Variants in LRIG2 observed in about 807,000 individuals in gnomAD.
LRIG2 encodes the protein leucine rich repeats and immunoglobulin like domains 2.
In LRIG2, 93 loss-of-function variants were observed where a neutral mutation model predicts 107.8. The observed-to-expected ratio is 0.86, with a 90% CI of 0.73 to 1.03. LRIG2 has a LOEUF of 1.03. Among genes scored for constraint, LRIG2 ranks in the 50% least tolerant of loss-of-function variants. LRIG2 has a pLI of 0.00. For missense variants in LRIG2, 1,226 were observed against 1,296.0 expected (o/e 0.95, Z 0.83); for synonymous variants, 471 against 470.6 (o/e 1.00, Z -0.01).
chr1:113,094,473 T>TC lies in LRIG2; in HGVS notation c.652dup (p.Gln218ProfsTer6). 1 of 1,608,272 alleles carries TC rather than the reference T, an allele frequency of 6.2e-7. No homozygotes were observed. Among genetic ancestry groups the TC allele is most frequent in the Non-Finnish European group, 8.5e-7 (1 of 1,178,784 alleles). On this transcript the variant is annotated frameshift_variant, in exon 5 of 18. Coordinates refer to ENST00000361127, the MANE Select transcript of LRIG2 (RefSeq NM_014813.3). LOFTEE classifies it high-confidence loss of function. ...CCTAAGATCTTCAAGCTGCCTCACC[T>TC]CCAATTCTTGTGAGTAACGAAATAG...
Position 113,095,512 on chromosome 1 carries a change from G to T in LRIG2, c.804-362G>T, listed in dbSNP as rs183485795. ...CAACCTCTGCCTCATGGGTTCAAGC[G>T]ATTCTCCTGCCTCAGCCTCCCGAGT... is the stretch of plus-strand genomic sequence containing the variant. On this transcript the variant is annotated intron_variant, in intron 6 of 17. Coordinates refer to ENST00000361127, the MANE Select transcript of LRIG2 (RefSeq NM_014813.3). Among the ~76,000 whole-genome samples, 37 of 151,936 alleles carry T rather than the reference G, an allele frequency of 2.4e-4. No individual in the cohort carries two copies. The East Asian group carries it at 6.2e-3, about 26-fold the overall frequency.
chr1:113,080,367 T>C (rs1388141283), intron 1 of LRIG2, among the ~76,000 whole-genome samples: 1 of 150,750 alleles, frequency 6.6e-6, no homozygotes, highest in Admixed American at 6.6e-5. Flanking sequence ...TCTAATTTGC[T>C]TCTGGTCTTT....
At position 113,082,701 on chromosome 1, in the gene LRIG2, T is replaced by C. The variant is rs1200021131; in HGVS notation, c.240-8617T>C. Among the ~76,000 whole-genome samples, 2 of 152,338 alleles carry C rather than the reference T, an allele frequency of 1.3e-5. 1 individual carries two copies. ...CGAAGTCTCTCTCTGTTGCCCAGGC[T>C]GGAGTGCAGTGGTGAGATCTCAGCT... On this transcript the variant is annotated intron_variant, in intron 1 of 17. Transcript: ENST00000361127.
At position 113,110,258 on chromosome 1, in the gene LRIG2, A is replaced by G; in HGVS notation, c.1494A>G (p.Pro498=). The change falls in exon 13 of 18, where the codon CCA becomes CCG. Residue 498 remains proline, a synonymous_variant. Coordinates refer to ENST00000361127, the MANE Select transcript of LRIG2 (RefSeq NM_014813.3). Reference sequence around the variant, plus strand: ...TCCCCTTAGATGATTTTCTCAAGCCACAGATAAGGACACATCCTGAAACCA... The same window carrying G: ...TCCCCTTAGATGATTTTCTCAAGCCGCAGATAAGGACACATCCTGAAACCA... ...KDFVCDDFLK[P]QIRTHPETII... 1 of 1,584,502 alleles carries G rather than the reference A, an allele frequency of 6.3e-7. No individual in the cohort carries two copies. Among genetic ancestry groups the G allele is most frequent in the Non-Finnish European group, 8.6e-7 (1 of 1,161,870 alleles).
chr1:113,098,611 A>G, intron 8 of LRIG2, 94 bp from the exon 9 acceptor site: 1 of 764,408 alleles, frequency 1.3e-6, no homozygotes, highest in Non-Finnish European at 2.3e-6. Flanking sequence ...CAGAATTAGC[A>G]TGTGTACCTT....
Position 113,073,345 on chromosome 1 carries a change from T to C in LRIG2, c.-62T>C. 1 of 1,383,728 alleles carries C rather than the reference T, an allele frequency of 7.2e-7. No individual in the cohort carries two copies. The highest frequency in any genetic ancestry group is 1.0e-6 in the Non-Finnish European group (1 of 982,206). The allele number at this position is 1,383,728 out of a possible 1,614,324, so 85.7% of individuals were successfully genotyped here. On this transcript the variant is annotated 5_prime_UTR_variant, in exon 1 of 18. Transcript: ENST00000361127. The stretch of plus-strand genomic sequence containing the variant: ...CCACCGAGCATCTCTGCTGAGCTTC[T>C]CCGCCGATCCTCCTTTTCTAGCAGG...
intron 14 of LRIG2, among the ~76,000 whole-genome samples, chr1:113,113,936 C>A (rs528806725): frequency 2.2e-4 from 34 of 152,246 alleles, no homozygotes; most frequent in African/African-American, 6.5e-4. Context: ...TCCCCTCTCA[C>A]TTTTATGTAG....
intron 1 of LRIG2, among the ~76,000 whole-genome samples, chr1:113,075,319 G>T (rs1341578291): frequency 6.6e-6 from 1 of 152,194 alleles, no homozygotes; most frequent in Non-Finnish European, 1.5e-5. Flanking sequence ...AGGTGTTGCG[G>T]AGTTTAAGAA....
intron 15 of LRIG2, among the ~76,000 whole-genome samples, chr1:113,115,631 G>A (rs912425415): frequency 2.0e-5 from 3 of 151,664 alleles, no homozygotes; most frequent in African/African-American, 2.4e-5. Flanking sequence ...GGGTTCAAGC[G>A]ATTCTCCTGA....
At chr1:113,080,090 G>A (rs1190143859) in intron 1 of LRIG2, among the ~76,000 whole-genome samples, 1 of 136,124 alleles carries the variant, frequency 7.3e-6, no homozygotes, top group East Asian at 2.2e-4. Flanking sequence ...GCACAATCTC[G>A]GCTCACTGCA....
At chr1:113,088,906 T>C (rs564116830) in intron 1 of LRIG2, among the ~76,000 whole-genome samples, 2 of 152,358 alleles carry the variant, frequency 1.3e-5, no homozygotes, top group South Asian at 4.1e-4. Flanking sequence ...TGAATTCATA[T>C]TTTTATCTTT....
chr1:113,085,191 G>A (rs1653492779), intron 1 of LRIG2, among the ~76,000 whole-genome samples: 1 of 152,210 alleles, frequency 6.6e-6, no homozygotes, highest in Non-Finnish European at 1.5e-5. Flanking sequence ...AGAATAACTA[G>A]TGGGTGATTA....
chr1:113,108,539 T>G (rs12744009), intron 12 of LRIG2, among the ~76,000 whole-genome samples: 71,886 of 150,720 alleles, frequency 0.48, 19,818 homozygotes, highest in Non-Finnish European at 0.62. Context: ...CAAGTATACT[T>G]CTATATTATT....
chr1:113,124,182 G>A lies in LRIG2; in HGVS notation c.*81G>A. 5 of 1,223,232 alleles carry A rather than the reference G, an allele frequency of 4.1e-6. No homozygotes were observed. The highest frequency in any genetic ancestry group is 2.4e-6 in the Non-Finnish European group (2 of 848,702). 75.8% of individuals were successfully genotyped at this position (1,223,232 alleles called of 1,614,324 possible). On this transcript the variant is annotated 3_prime_UTR_variant, in exon 18 of 18. Transcript: ENST00000361127. Reference sequence around the variant, plus strand: ...TACCTCAGAGCTCAGAAGAAACTCCGAAGTCAGCATTTGCTTTACTCTTTC... The same window carrying A: ...TACCTCAGAGCTCAGAAGAAACTCCAAAGTCAGCATTTGCTTTACTCTTTC...
intron 12 of LRIG2, among the ~76,000 whole-genome samples, chr1:113,109,454 T>C (rs903330792): frequency 1.9e-4 from 29 of 152,270 alleles, no homozygotes; most frequent in Admixed American, 1.8e-3. Flanking sequence ...AGGTATTCTC[T>C]GTGAAATATA....
intron 16 of LRIG2, among the ~76,000 whole-genome samples, chr1:113,118,331 A>G (rs1655104097): frequency 6.6e-6 from 1 of 152,214 alleles, no homozygotes; most frequent in Non-Finnish European, 1.5e-5. Flanking sequence ...TGTTAAACCT[A>G]TACTTCTGTC....
intron 12 of LRIG2, 117 bp from the exon 13 acceptor site, chr1:113,110,125 C>A: frequency 1.4e-6 from 1 of 721,598 alleles, no homozygotes; most frequent in Non-Finnish European, 2.2e-6. Flanking sequence ...TAGTCTCTTT[C>A]AACTTTAATA....
At chr1:113,101,489 G>T (rs1447181610) in intron 11 of LRIG2, among the ~76,000 whole-genome samples, 3 of 152,240 alleles carry the variant, frequency 2.0e-5, no homozygotes, top group Admixed American at 6.5e-5. Context: ...AGCAGAACTG[G>T]TTGATGAGAA....
chr1:113,090,488 C>T (rs989872504), intron 1 of LRIG2, among the ~76,000 whole-genome samples: 1 of 151,938 alleles, frequency 6.6e-6, no homozygotes, highest in South Asian at 2.1e-4. Flanking sequence ...CCTTTATAAA[C>T]ATTCTTGTCT....
Sources: allele counts gnomAD v4.1 joint callset (sites outside exome capture counted in the v4.1 genomes callset), GRCh38; gene constraint gnomAD v4.1.1; transcripts MANE v1.5; gene names NCBI Gene and HGNC (gene_info 2026-07-23, HGNC 2026-07-21).